Variants in ARRDC2 observed in about 807,000 individuals in gnomAD.
ARRDC2 encodes the protein arrestin domain-containing protein 2.
In ARRDC2, 39 loss-of-function variants were observed where a neutral mutation model predicts 38.9. That is an observed-to-expected ratio of 1.00 (90% CI 0.78 to 1.31). The LOEUF is 1.31. Ranked by LOEUF, ARRDC2 falls within the 50% of genes most tolerant of loss-of-function variation. The probability of loss-of-function intolerance (pLI) is 0.00; values close to 1 mark genes in which losing one functional copy is unlikely to be tolerated. For synonymous variants in ARRDC2, 300 were observed against 261.9 expected (o/e 1.15, Z -1.41); for missense variants, 553 against 588.4 (o/e 0.94, Z 0.62).
At chr19:18,010,843 C>A in intron 7 of ARRDC2, 114 bp downstream of exon 7, 2 of 1,154,220 alleles carry the variant, frequency 1.7e-6, no homozygotes, top group Middle Eastern at 2.3e-4. Flanking sequence ...TAGACAGGGT[C>A]TTGCTCTGTC....
intron 3 of ARRDC2, 55 bp from the exon 4 acceptor site, chr19:18,009,537 C>G (rs76737668): frequency 1.3e-6 from 2 of 1,488,818 alleles, no homozygotes; most frequent in East Asian, 2.3e-5. Flanking sequence ...AGCTCCACAG[C>G]GACTGTGGTT....
chr19:18,009,680 A>T lies in ARRDC2; in HGVS notation c.578A>T (p.Lys193Met). The change falls in exon 4 of 8, where the codon AAG (lysine) becomes ATG (methionine). Residue 193 changes from lysine (K) to methionine (M), a missense_variant. Around this residue, in one of 3 missense-constraint regions of ARRDC2, gnomAD observed 447 missense variants for 456.6 expected, o/e 0.98. Coordinates refer to ENST00000222250, the MANE Select transcript of ARRDC2 (RefSeq NM_015683.2). The part of the protein sequence containing the change: ...LVSLSAKIDR[K>M]GYTPGEVIPV... ...TCCCTTTCGGCCAAGATCGACCGCA[A>T]GGGCTACACCCCAGGTAGCAGGCGG... 6.2e-7 allele frequency: 1 copy of T among 1,611,038 alleles called. No individual in the cohort carries two copies. Among genetic ancestry groups the T allele is most frequent in the Non-Finnish European group, 8.5e-7 (1 of 1,177,774 alleles).
chr19:18,001,310 G>A (rs1362932920), exon 1 of ARRDC2: 1 of 1,197,676 alleles, frequency 8.3e-7, no homozygotes, highest in South Asian at 4.1e-5. Context: ...CCCCAGCCGC[G>A]CGCCATGCGC....
rs2033352943 is a variant in ARRDC2 at position 18,009,253 on chromosome 19, G to C, written c.489+135G>C. The C allele has an allele frequency of 3.8e-6, 4 of 1,061,288 alleles. No homozygotes were observed. In the African/African-American group the frequency reaches 4.7e-5, roughly 12 times the overall value. 65.7% of individuals were successfully genotyped at this position (1,061,288 alleles called of 1,614,324 possible). On this transcript the variant is annotated intron_variant, in intron 3 of 7. Coordinates refer to ENST00000222250, the MANE Select transcript of ARRDC2 (RefSeq NM_015683.2). ...GGGAGGGAGGCAGGTGTGGGAATGCGTGTGGAATCCACTGGGATCTGCACC... is the reference window on the plus strand; with the variant it reads ...GGGAGGGAGGCAGGTGTGGGAATGCCTGTGGAATCCACTGGGATCTGCACC...
chr19:18,001,486 G>C, exon 1 of ARRDC2: 1 of 1,326,066 alleles, frequency 7.5e-7, no homozygotes, highest in Non-Finnish European at 9.7e-7. Context: ...CCACTGGTTG[G>C]AGGGTCGCAG....
intron 1 of ARRDC2, chr19:18,001,599 GC>G (rs1416523229): frequency 1.5e-6 from 2 of 1,301,608 alleles, no homozygotes; most frequent in East Asian, 6.3e-5. Flanking sequence ...CGCCGCCCCC[GC>G]AGCAGCCGGG....
chr19:18,004,218 TAA>T (rs550020563), upstream of ARRDC2, among the ~76,000 whole-genome samples: 161 of 142,306 alleles, frequency 1.1e-3, 1 homozygote, highest in African/African-American at 3.9e-3. Context: ...CTGTCTCTAC[TAA>T]AAATACAAAA....
At position 18,010,735 on chromosome 19, in the gene ARRDC2, C is replaced by T. The variant is rs1481909913; in HGVS notation, c.1170+6C>T. On this transcript the variant is annotated splice_donor_region_variant and intron_variant, in intron 7 of 7. Coordinates refer to ENST00000222250, the MANE Select transcript of ARRDC2 (RefSeq NM_015683.2). ...CGCCACCCCTGTACTCTGAGGTGAG[C>T]TCAGGGGTCTGAGAACCACCCATGC... is the stretch of plus-strand genomic sequence containing the variant. 1 of 1,613,380 alleles carries T rather than the reference C, an allele frequency of 6.2e-7. No individual in the cohort carries two copies. Among genetic ancestry groups the T allele is most frequent in the Non-Finnish European group, 8.5e-7 (1 of 1,179,764 alleles).
chr19:18,005,920 G>A (rs1293979413), upstream of ARRDC2, among the ~76,000 whole-genome samples: 2 of 150,626 alleles, frequency 1.3e-5, no homozygotes, highest in African/African-American at 2.5e-5. Flanking sequence ...CGGGGCGGCC[G>A]GGCAGAGACG....
rs772562935 is a variant in ARRDC2 at position 18,008,281 on chromosome 19, C to G, written c.-30C>G. 6.3e-7 allele frequency: 1 copy of G among 1,578,532 alleles called. No individual in the cohort carries two copies. The highest frequency in any genetic ancestry group is 8.5e-7 in the Non-Finnish European group (1 of 1,172,178). On this transcript the variant is annotated 5_prime_UTR_variant, in exon 1 of 8. Coordinates refer to ENST00000222250, the MANE Select transcript of ARRDC2 (RefSeq NM_015683.2). ...GGTTCGCGAGTTCGAGGCCAGGTTC[C>G]GCCTGTCGTGGGTTCGCACCCCGGA...
chr19:18,009,090 C>G lies in ARRDC2; in HGVS notation c.461C>G (p.Pro154Arg). 1 of 1,613,696 alleles carries G rather than the reference C, an allele frequency of 6.2e-7. No homozygotes were observed. The highest frequency in any genetic ancestry group is 2.2e-5 in the East Asian group (1 of 44,882). ...AGGAAGGTGTTCACTGTCATCGAGC[C>G]TGTGGACATCAACACGCCAGCCCTG... is the stretch of plus-strand genomic sequence containing the variant. Reference protein sequence around the residue: ...RARKVFTVIEPVDINTPALLA... With the variant: ...RARKVFTVIERVDINTPALLA... The change falls in exon 3 of 8, where the codon CCT (proline) becomes CGT (arginine). Residue 154 changes from proline to arginine, a missense_variant. Around this residue, in one of 3 missense-constraint regions of ARRDC2, gnomAD observed 447 missense variants for 456.6 expected, o/e 0.98. Transcript: ENST00000222250.
chr19:18,010,942 G>A (rs2033399729), intron 7 of ARRDC2, among the ~76,000 whole-genome samples: 1 of 151,998 alleles, frequency 6.6e-6, no homozygotes, highest in East Asian at 1.9e-4. Flanking sequence ...AGCCTCTTGA[G>A]TAGCTGGGAC....
chr19:18,012,434 A>G (rs1163193725), intron 7 of ARRDC2, among the ~76,000 whole-genome samples: 6 of 151,954 alleles, frequency 3.9e-5, no homozygotes, highest in Non-Finnish European at 8.8e-5. Context: ...CAAAAATACA[A>G]AAATTAGCTG....
At chr19:18,005,916 G>A (rs1452267005), upstream of ARRDC2, among the ~76,000 whole-genome samples, 7 of 150,036 alleles carry the variant, frequency 4.7e-5, no homozygotes, top group South Asian at 2.1e-4. Context: ...CAGACGGGGC[G>A]GCCGGGCAGA....
At chr19:18,011,292 C>T (rs1231608601) in intron 7 of ARRDC2, among the ~76,000 whole-genome samples, 3 of 152,028 alleles carry the variant, frequency 2.0e-5, no homozygotes, top group East Asian at 1.9e-4. Context: ...CTACCACGCC[C>T]GGCCAATTTT....
In ARRDC2 at chr19:18,009,071, G is replaced by T. The variant is rs1241684518; in HGVS notation, c.442G>T (p.Val148Leu). 3.1e-6 allele frequency: 5 copies of T among 1,613,564 alleles called. No individual in the cohort carries two copies. Among genetic ancestry groups the T allele is most frequent in the Non-Finnish European group, 4.2e-6 (5 of 1,179,998 alleles). Reference sequence around the variant, plus strand: ...GGTCCCAGCACGCCGGGCAAGGAAGGTGTTCACTGTCATCGAGCCTGTGGA... The same window carrying T: ...GGTCCCAGCACGCCGGGCAAGGAAGTTGTTCACTGTCATCGAGCCTGTGGA... The part of the protein sequence containing the change: ...PWVPARRARK[V>L]FTVIEPVDIN... The change falls in exon 3 of 8, where the codon GTG (valine) becomes TTG (leucine). Residue 148 changes from valine (V) to leucine (L), a missense_variant. Physicochemically the swap from Val to Leu is conservative, Grantham distance 32. Coordinates refer to ENST00000222250, the MANE Select transcript of ARRDC2 (RefSeq NM_015683.2).
Position 18,012,853 on chromosome 19 carries a change from G to A in ARRDC2, c.1171-60G>A, listed in dbSNP as rs73925407. ...GTTGGGAGATGGCTAGATGGGGAGCGGTATTTCTGAATTTCTGTTTCCAGT... is the reference window on the plus strand; with the variant it reads ...GTTGGGAGATGGCTAGATGGGGAGCAGTATTTCTGAATTTCTGTTTCCAGT... On this transcript the variant is annotated intron_variant, in intron 7 of 7. Coordinates refer to ENST00000222250, the MANE Select transcript of ARRDC2 (RefSeq NM_015683.2). 12,026 of 1,544,814 alleles carry A rather than the reference G, an allele frequency of 7.8e-3. 588 individuals are homozygous for A. The African/African-American group carries it at 0.12, about 16-fold the overall frequency.
chr19:18,006,358 ACT>A (rs764051455), upstream of ARRDC2, among the ~76,000 whole-genome samples: 41 of 152,094 alleles, frequency 2.7e-4, no homozygotes, highest in Admixed American at 7.9e-4. Flanking sequence ...AGTTAACGAG[ACT>A]CTGTCTGCAA....
chr19:18,010,255 C>T lies in ARRDC2; in HGVS notation c.909C>T (p.Gly303=). The change falls in exon 6 of 8, where the codon GGC becomes GGT. Residue 303 remains glycine, a synonymous_variant. Transcript: ENST00000222250. ...KLLLELPLVI[G]TIPLHPFGSR... is the part of the protein sequence containing the mutation. Reference sequence around the variant, plus strand: ...TGCTGGAGCTGCCACTGGTGATCGGCACCATTCCCTTGCACCCTTTTGGCA... The same window carrying T: ...TGCTGGAGCTGCCACTGGTGATCGGTACCATTCCCTTGCACCCTTTTGGCA... The T allele has an allele frequency of 2.5e-6, 4 of 1,613,936 alleles. No homozygotes were observed. Among genetic ancestry groups the T allele is most frequent in the Non-Finnish European group, 3.4e-6 (4 of 1,180,014 alleles).
Sources: gnomAD v4.1 joint callset for allele counts (sites outside exome capture counted in the v4.1 genomes callset) on GRCh38, gnomAD v4.1.1 for gene constraint, gnomAD v4.1.1 regional missense constraint, MANE v1.5 for transcripts, NCBI Gene and HGNC (gene_info 2026-07-23, HGNC 2026-07-21) for gene names.